Variants in PIGR observed in about 807,000 individuals in gnomAD.
PIGR encodes hepatocellular carcinoma associated protein TB6.
PIGR carries 22 observed loss-of-function variants against 69.5 expected under a neutral mutation model. The ratio of observed to expected loss-of-function variants is 0.32; its 90% CI spans 0.23 to 0.45. PIGR has a LOEUF of 0.45. Ranked by LOEUF, PIGR falls within the 20% of genes least tolerant of loss-of-function variation. The probability of loss-of-function intolerance (pLI) is 1.00; values close to 1 mark genes in which losing one functional copy is unlikely to be tolerated. For synonymous variants in PIGR, 413 were observed against 407.6 expected (o/e 1.01, Z -0.16); for missense variants, 885 against 974.0 (o/e 0.91, Z 1.22).
At chr1:206,938,773 T>C (rs1176699999) in intron 3 of PIGR, among the ~76,000 whole-genome samples, 1 of 152,156 alleles carries the variant, frequency 6.6e-6, no homozygotes, top group Middle Eastern at 3.2e-3. Context: ...TCCCTGTAAA[T>C]CTCTCCCTAC....
At chr1:206,939,060 G>T in intron 3 of PIGR, 59 bp downstream of exon 3, 2 of 1,437,104 alleles carry the variant, frequency 1.4e-6, no homozygotes, top group East Asian at 2.3e-5. Flanking sequence ...AGCCCTCCAT[G>T]CACCTTAGAG....
At chr1:206,933,471 C>T (rs1679802458) in intron 6 of PIGR, among the ~76,000 whole-genome samples, 1 of 152,104 alleles carries the variant, frequency 6.6e-6, no homozygotes, top group African/African-American at 2.4e-5. Flanking sequence ...GGCTCTGAGA[C>T]GCTGCCCCAG....
In PIGR at chr1:206,929,522, G is replaced by C. The variant is rs1321075090; in HGVS notation, c.*796C>G. 1.3e-5 allele frequency: 2 copies of C among 151,988 alleles called. No homozygotes were observed. The highest frequency in any genetic ancestry group is 4.8e-5 in the African/African-American group (2 of 41,372). 9.4% of individuals were successfully genotyped at this position (151,988 alleles called of 1,614,324 possible). A position where few individuals can be genotyped will look rare whatever the true frequency, so the allele number is the denominator to read the frequency against. On this transcript the variant is annotated 3_prime_UTR_variant, in exon 11 of 11. Coordinates refer to ENST00000356495, the MANE Select transcript of PIGR (RefSeq NM_002644.4). ...AGATTGCGCCACTGCACTCCAGCCT[G>C]GGCGACAGTGAGAGACTCCGTCTCA...
chr1:206,940,597 A>G lies in PIGR; in HGVS notation c.-53-13T>C. ...CTCCTGTGCAATGCTGAAAAACAATAATCACAAGGAGATGAAGCGCCCCTT... is the reference window on the plus strand; with the variant it reads ...CTCCTGTGCAATGCTGAAAAACAATGATCACAAGGAGATGAAGCGCCCCTT... On this transcript the variant is annotated splice_polypyrimidine_tract_variant and intron_variant, in intron 1 of 10. Transcript: ENST00000356495. 2 of 1,468,098 alleles carry G rather than the reference A, an allele frequency of 1.4e-6. No individual in the cohort carries two copies. Among genetic ancestry groups the G allele is most frequent in the Non-Finnish European group, 1.8e-6 (2 of 1,089,020 alleles). The allele number at this position is 1,468,098 out of a possible 1,614,324, so 90.9% of individuals were successfully genotyped here. A position where few individuals can be genotyped will look rare whatever the true frequency, so the allele number is the denominator to read the frequency against.
chr1:206,940,718 C>T, intron 1 of PIGR, 134 bp from the exon 2 acceptor site: 1 of 570,212 alleles, frequency 1.8e-6, no homozygotes, highest in Non-Finnish European at 3.1e-6. Context: ...GAATCAGTGC[C>T]TCCACTTTTT....
intron 1 of PIGR, among the ~76,000 whole-genome samples, chr1:206,942,161 A>G (rs1055646755): frequency 6.6e-6 from 1 of 152,246 alleles, no homozygotes; most frequent in Admixed American, 6.5e-5. Context: ...GTGGGAACAA[A>G]TATGGGTGTC....
At chr1:206,931,973 C>G in intron 8 of PIGR, 171 bp from the exon 9 acceptor site, 2 of 703,524 alleles carry the variant, frequency 2.8e-6, no homozygotes, top group South Asian at 3.5e-5. Context: ...CTCCCCAGTC[C>G]CTTTTCCTGG....
chr1:206,933,644 A>T (rs529551637), intron 6 of PIGR, among the ~76,000 whole-genome samples: 1 of 152,344 alleles, frequency 6.6e-6, no homozygotes, highest in East Asian at 1.9e-4. Flanking sequence ...GAAATTTTAA[A>T]AGGGGACTTG....
In PIGR at chr1:206,929,707, AG is replaced by A. The variant is rs1679692212; in HGVS notation, c.*610del. On this transcript the variant is annotated 3_prime_UTR_variant, in exon 11 of 11. Transcript: ENST00000356495. Reference sequence around the variant, plus strand: ...GAGACATTTTATGACCTCTCCCAATAGGGGCAGAGGTGAGCACCCCTGGTGA... The same window carrying A: ...GAGACATTTTATGACCTCTCCCAATAGGGCAGAGGTGAGCACCCCTGGTGA... The A allele has an allele frequency of 1.3e-5, 2 of 152,058 alleles. No homozygotes were observed. The highest frequency in any genetic ancestry group is 4.2e-4 in the South Asian group (2 of 4,814). 9.4% of individuals were successfully genotyped at this position (152,058 alleles called of 1,614,324 possible). A position where few individuals can be genotyped will look rare whatever the true frequency, so the allele number is the denominator to read the frequency against.
In PIGR at chr1:206,937,546, A is replaced by G. The variant is rs1386961905; in HGVS notation, c.594T>C (p.Thr198=). 1.2e-6 allele frequency: 2 copies of G among 1,614,102 alleles called. No homozygotes were observed. Among genetic ancestry groups the G allele is most frequent in the East Asian group, 4.5e-5 (2 of 44,904 alleles). The stretch of plus-strand genomic sequence containing the variant: ...TGACAACGCTGAACAGTAACTGGCC[A>G]GTACCCTGAATATCAAGGCGTATTC... The part of the protein sequence containing the change: ...TGRIRLDIQG[T]GQLLFSVVIN... The change falls in exon 4 of 11, where the codon ACT becomes ACC. Residue 198 remains threonine (T), a synonymous_variant. Transcript: ENST00000356495.
At position 206,929,976 on chromosome 1, in the gene PIGR, AG is replaced by A. The variant is rs1449514592; in HGVS notation, c.*341del. On this transcript the variant is annotated 3_prime_UTR_variant, in exon 11 of 11. Coordinates refer to ENST00000356495, the MANE Select transcript of PIGR (RefSeq NM_002644.4). ...TTGACATCCCATGATAAGGGTGCAG[AG>A]GGGCGCTGCACGTCTCTCCTTTCTG... The A allele has an allele frequency of 4.1e-6, 1 of 243,054 alleles. No homozygotes were observed. The highest frequency in any genetic ancestry group is 7.8e-5 in the East Asian group (1 of 12,746). 15.1% of individuals were successfully genotyped at this position (243,054 alleles called of 1,614,324 possible).
chr1:206,930,644 G>A lies in PIGR; in HGVS notation c.2200-231C>T, dbSNP rs80177486. On this transcript the variant is annotated intron_variant, in intron 10 of 10. Coordinates refer to ENST00000356495, the MANE Select transcript of PIGR (RefSeq NM_002644.4). This position sits in a 1 kb window ranked among gnomAD's most constrained non-coding sequence, Gnocchi z 4.3. ...TTCTTCTGTCTCACTACCTCCTTCT[G>A]ACACACGGAGTGGAACCGCCTCTGT... The A allele has an allele frequency of 0.012, 11,679 of 985,370 alleles. 86 individuals are homozygous for A. The highest frequency in any genetic ancestry group is 0.016 in the Admixed American group (263 of 16,290). 61.0% of individuals were successfully genotyped at this position (985,370 alleles called of 1,614,324 possible).
chr1:206,933,632 G>A (rs1679805886), intron 6 of PIGR, among the ~76,000 whole-genome samples: 1 of 152,210 alleles, frequency 6.6e-6, no homozygotes, highest in Non-Finnish European at 1.5e-5. Context: ...AACATTTCAT[G>A]TGAAATTTTA....
chr1:206,936,373 C>T (rs796762233), intron 4 of PIGR, among the ~76,000 whole-genome samples: 5 of 152,226 alleles, frequency 3.3e-5, no homozygotes, highest in African/African-American at 1.2e-4. Context: ...ACCAAAGATG[C>T]AGGGGATTCT....
rs796071273 is a variant in PIGR at position 206,936,438 on chromosome 1, TA to T, written c.1046-621del. On this transcript the variant is annotated intron_variant, in intron 4 of 10. Coordinates refer to ENST00000356495, the MANE Select transcript of PIGR (RefSeq NM_002644.4). ...GGCATGCAGAGAATATAAGCCCCTT[TA>T]AAAAAAAAAAGTCACAAGCACAGAT... is the stretch of plus-strand genomic sequence containing the variant. Among the ~76,000 whole-genome samples, 187 of 145,790 alleles carry T rather than the reference TA, an allele frequency of 1.3e-3. 1 individual carries two copies. Among genetic ancestry groups the T allele is most frequent in the African/African-American group, 3.1e-3 (123 of 39,876 alleles).
intron 4 of PIGR, among the ~76,000 whole-genome samples, chr1:206,936,873 A>C (rs1238658420): frequency 6.6e-6 from 1 of 152,182 alleles, no homozygotes; most frequent in Non-Finnish European, 1.5e-5. Flanking sequence ...CATCAAAATG[A>C]CTTTGATAAC....
intron 6 of PIGR, among the ~76,000 whole-genome samples, 200 bp downstream of exon 6, chr1:206,934,220 T>A (rs533388024): frequency 7.9e-5 from 12 of 152,208 alleles, no homozygotes; most frequent in Admixed American, 2.0e-4. Flanking sequence ...TTAGTTGGTA[T>A]GTTTATTTGA....
At position 206,930,749 on chromosome 1, in the gene PIGR, T is replaced by C; in HGVS notation, c.2200-336A>G. 1.0e-6 allele frequency: 1 copy of C among 985,378 alleles called. No individual in the cohort carries two copies. Among genetic ancestry groups the C allele is most frequent in the Non-Finnish European group, 1.2e-6 (1 of 829,906 alleles). The allele number at this position is 985,378 out of a possible 1,614,324, so 61.0% of individuals were successfully genotyped here. On this transcript the variant is annotated intron_variant, in intron 10 of 10. Transcript: ENST00000356495. The surrounding 1 kb of genome is among the most constrained non-coding windows in gnomAD (Gnocchi z 4.3). Reference sequence around the variant, plus strand: ...GGCTGGGGTCAACCACGGTGGTGTATGTTTTTCTTTCTCCACCAGCCCAGA... The same window carrying C: ...GGCTGGGGTCAACCACGGTGGTGTACGTTTTTCTTTCTCCACCAGCCCAGA...
Position 206,930,011 on chromosome 1 carries a change from T to C in PIGR, c.*307A>G. ...CACGTCTCTCCTTTCTGCAATCAGC[T>C]CTCCCACCCTGGTCCCTCTTCCTTC... On this transcript the variant is annotated 3_prime_UTR_variant, in exon 11 of 11. Coordinates refer to ENST00000356495, the MANE Select transcript of PIGR (RefSeq NM_002644.4). The surrounding 1 kb of genome is among the most constrained non-coding windows in gnomAD (Gnocchi z 4.3). 1 of 309,920 alleles carries C rather than the reference T, an allele frequency of 3.2e-6. No individual in the cohort carries two copies. The highest frequency in any genetic ancestry group is 5.9e-6 in the Non-Finnish European group (1 of 170,376). The allele number at this position is 309,920 out of a possible 1,614,324, so 19.2% of individuals were successfully genotyped here.
Sources: allele counts gnomAD v4.1 joint callset (sites outside exome capture counted in the v4.1 genomes callset), GRCh38; gene constraint gnomAD v4.1.1; non-coding constraint Gnocchi (gnomAD v3.1); transcripts MANE v1.5; gene names NCBI Gene and HGNC (gene_info 2026-07-23, HGNC 2026-07-21).